Variants in CSMD3 observed in about 807,000 individuals in gnomAD.
The protein encoded by CSMD3 is CUB and sushi domain-containing protein 3.
In CSMD3, 177 loss-of-function variants were observed where a neutral mutation model predicts 435.2. The ratio of observed to expected loss-of-function variants is 0.41; its 90% CI spans 0.36 to 0.46. The LOEUF is 0.46. CSMD3 is among the 20% of genes least tolerant of loss of function. The pLI is 0.34. For missense variants in CSMD3, 4,265 were observed against 4,504.6 expected, an observed-to-expected ratio of 0.95 and a Z score of 1.52; for synonymous variants, 1,656 against 1,520.5, an observed-to-expected ratio of 1.09 and a Z score of -2.07.
At chr8:112,476,628 GATA>G (rs1234536032) in intron 31 of CSMD3, among the ~76,000 whole-genome samples, 55 of 152,088 alleles carry the variant, frequency 3.6e-4, no homozygotes, top group Admixed American at 3.5e-3. Context: ...TTATGTAATT[GATA>G]ATAATTAATT....
At chr8:112,478,589 A>G (rs191263027) in intron 31 of CSMD3, among the ~76,000 whole-genome samples, 114 of 152,252 alleles carry the variant, frequency 7.5e-4, no homozygotes, top group Admixed American at 1.1e-3. Context: ...GGTATCTGGC[A>G]GAAGAAATTT....
intron 1 of CSMD3, among the ~76,000 whole-genome samples, chr8:113,414,779 G>T (rs957168612): frequency 6.6e-6 from 1 of 151,662 alleles, no homozygotes; most frequent in Non-Finnish European, 1.5e-5. Flanking sequence ...TGAGCAACAT[G>T]GTGAAACTCT....
chr8:112,747,840 ATAGT>A (rs2077470817), intron 13 of CSMD3, among the ~76,000 whole-genome samples: 2 of 151,716 alleles, frequency 1.3e-5, no homozygotes, highest in Non-Finnish European at 2.9e-5. Context: ...GCGGGCGCCT[ATAGT>A]CCCAGCTACT....
At chr8:112,504,181 A>G (rs556796669) in intron 29 of CSMD3, among the ~76,000 whole-genome samples, 1 of 152,070 alleles carries the variant, frequency 6.6e-6, no homozygotes, top group Non-Finnish European at 1.5e-5. Context: ...AAAAAGAAAA[A>G]AACTTGATAT....
At chr8:112,231,757 T>C in intron 68 of CSMD3, 125 bp from the exon 69 acceptor site, 1 of 725,458 alleles carries the variant, frequency 1.4e-6, no homozygotes. Flanking sequence ...TCTATATTTT[T>C]CTCCTTTGCA....
chr8:112,326,868 A>G (rs1056806978), intron 45 of CSMD3, among the ~76,000 whole-genome samples: 3 of 151,974 alleles, frequency 2.0e-5, no homozygotes, highest in Admixed American at 6.6e-5. Context: ...CTAAAAATAC[A>G]AAAATTAGAC....
intron 34 of CSMD3, among the ~76,000 whole-genome samples, chr8:112,408,077 T>C (rs1389107019): frequency 6.6e-6 from 1 of 151,920 alleles, no homozygotes; most frequent in Non-Finnish European, 1.5e-5. Flanking sequence ...AAAGTAGATG[T>C]TTTGAAAATA....
At position 113,217,554 on chromosome 8, in the gene CSMD3, T is replaced by G. The variant is rs145391382; in HGVS notation, c.515-43638A>C. On this transcript the variant is annotated intron_variant, in intron 3 of 70. Transcript: ENST00000297405. Reference sequence around the variant, plus strand: ...ACATTAGAAATCTTAGAATTAAAATTAACTATCTGAAATGAATAATTTATT... The same window carrying G: ...ACATTAGAAATCTTAGAATTAAAATGAACTATCTGAAATGAATAATTTATT... 1.6e-3 allele frequency among the ~76,000 whole-genome samples: 247 copies of G among 151,830 alleles called. 6 individuals are homozygous for G. In the East Asian group the frequency reaches 0.044, roughly 27 times the overall value.
chr8:112,520,794 T>C (rs532364371), intron 27 of CSMD3, among the ~76,000 whole-genome samples: 4 of 152,094 alleles, frequency 2.6e-5, no homozygotes, highest in Non-Finnish European at 5.9e-5. Flanking sequence ...ACATTTCCAC[T>C]CCAACTGCTT....
intron 12 of CSMD3, among the ~76,000 whole-genome samples, chr8:112,809,551 ATTAC>A (rs2079170856): frequency 6.6e-6 from 1 of 152,178 alleles, no homozygotes; most frequent in South Asian, 2.1e-4. Context: ...CATTATTTCA[ATTAC>A]TTTAAGAACC....
At chr8:113,337,262 A>T (rs1388281940) in intron 1 of CSMD3, among the ~76,000 whole-genome samples, 2 of 152,086 alleles carry the variant, frequency 1.3e-5, no homozygotes, top group African/African-American at 4.8e-5. Context: ...TATTGGCTTT[A>T]TATATAACAT....
intron 10 of CSMD3, among the ~76,000 whole-genome samples, chr8:112,908,838 A>AAAAT (rs2082331282): frequency 6.6e-6 from 1 of 151,550 alleles, no homozygotes; most frequent in Admixed American, 6.6e-5. Flanking sequence ...TGTTCTTTTT[A>AAAAT]AAATACTCTT....
intron 59 of CSMD3, 134 bp downstream of exon 59, chr8:112,281,040 C>A: frequency 1.4e-6 from 1 of 711,532 alleles, no homozygotes; most frequent in South Asian, 1.8e-5. Flanking sequence ...TACTATAATC[C>A]TTTAATCTGA....
At chr8:112,738,203 CAAAG>C (rs2132041465) in intron 13 of CSMD3, among the ~76,000 whole-genome samples, 1 of 151,622 alleles carries the variant, frequency 6.6e-6, no homozygotes, top group African/African-American at 2.4e-5. Context: ...ATTAGAAAAT[CAAAG>C]AAATTTTTAA....
At chr8:113,266,924 T>C (rs1403201739) in intron 3 of CSMD3, among the ~76,000 whole-genome samples, 3 of 151,518 alleles carry the variant, frequency 2.0e-5, no homozygotes, top group African/African-American at 7.3e-5. Flanking sequence ...AATAATTTCA[T>C]GAAAACATGG....
intron 31 of CSMD3, among the ~76,000 whole-genome samples, chr8:112,482,761 G>A (rs183033751): frequency 7.2e-5 from 11 of 152,264 alleles, no homozygotes; most frequent in South Asian, 6.2e-4. Context: ...AGGGAAAAGC[G>A]CTCTTTAATA....
At chr8:112,422,713 T>G (rs1812648840) in intron 32 of CSMD3, among the ~76,000 whole-genome samples, 1 of 152,176 alleles carries the variant, frequency 6.6e-6, no homozygotes, top group Admixed American at 6.6e-5. Context: ...TCCCAACAAA[T>G]ACACCATATT....
chr8:112,970,838 C>T (rs376609723), intron 7 of CSMD3, among the ~76,000 whole-genome samples: 42 of 151,854 alleles, frequency 2.8e-4, no homozygotes, highest in South Asian at 2.5e-3. Context: ...TCTCCTGCCT[C>T]GGCCTCCCGA....
intron 12 of CSMD3, among the ~76,000 whole-genome samples, chr8:112,804,000 A>G (rs952972349): frequency 6.6e-6 from 1 of 152,218 alleles, no homozygotes; most frequent in Non-Finnish European, 1.5e-5. Context: ...CAAATAAGGG[A>G]TAACTAAGAG....
Sources: gnomAD v4.1 joint callset for allele counts (sites outside exome capture counted in the v4.1 genomes callset) on GRCh38, gnomAD v4.1.1 for gene constraint, MANE v1.5 for transcripts, NCBI Gene and HGNC (gene_info 2026-07-23, HGNC 2026-07-21) for gene names.